DARS1: variants seen among roughly 807,000 people sequenced by gnomAD.
The protein encoded by DARS1 is aspartate--tRNA ligase, cytoplasmic.
A neutral mutation model predicts 68.8 loss-of-function variants in DARS1; 51 were observed. The observed-to-expected ratio is 0.74, with a 90% CI of 0.59 to 0.94. The LOEUF (loss-of-function observed/expected upper bound fraction) is 0.94. DARS1 is among the 40% of genes least tolerant of loss of function. The probability of loss-of-function intolerance (pLI) is 0.00; values close to 1 mark genes in which losing one functional copy is unlikely to be tolerated. For synonymous variants in DARS1, 203 were observed against 190.4 expected, an observed-to-expected ratio of 1.07 and a Z score of -0.55; for missense variants, 607 against 597.3, an observed-to-expected ratio of 1.02 and a Z score of -0.17.
chr2:135,930,852 A>C (rs893209921), intron 7 of DARS1, among the ~76,000 whole-genome samples: 10 of 152,198 alleles, frequency 6.6e-5, no homozygotes, highest in Admixed American at 3.9e-4. Flanking sequence ...ATTCTGAGAA[A>C]ACCCTCCTAA....
At position 135,911,178 on chromosome 2, in the gene DARS1, A is replaced by G; in HGVS notation, c.1375T>C (p.Phe459Leu). The part of the protein sequence containing the change: ...LEKIKAYIDS[F>L]RFGAPPHAGG... ...GCATGAGGAGGGGCTCCAAAGCGGA[A>G]GGAATCAATGTAAGCCTTAATTTTC... The change falls in exon 15 of 16, where the codon TTC becomes CTC. Residue 459 changes from phenylalanine (F) to leucine (L), a missense_variant. Transcript: ENST00000264161. 1 of 1,550,730 alleles carries G rather than the reference A, an allele frequency of 6.4e-7. No homozygotes were observed.
chr2:135,978,097 C>T (rs1682538423), intron 3 of DARS1, among the ~76,000 whole-genome samples: 4 of 129,762 alleles, frequency 3.1e-5, no homozygotes, highest in Admixed American at 9.7e-5. Context: ...GAGCCGAGAT[C>T]GCAACACAGC....
Position 135,912,550 on chromosome 2 carries a change from T to C in DARS1, c.1166A>G (p.Tyr389Cys), listed in dbSNP as rs1680918187. Residue 389 changes from tyrosine to cysteine, a missense_variant, in exon 13 of 16, where the codon TAT (tyrosine) becomes TGT (cysteine). Transcript: ENST00000264161. ...AGCCAATGGATATTTATCAAGAATA[T>C]AAAAATCTGTATCATACTATAAAAA... ...LVKEKYDTDF[Y>C]ILDKYPLAVR... The C allele has an allele frequency of 4.2e-6, 4 of 946,808 alleles. No individual in the cohort carries two copies. The highest frequency in any genetic ancestry group is 1.6e-5 in the African/African-American group (1 of 61,566). The allele number at this position is 946,808 out of a possible 1,614,324, so 58.7% of individuals were successfully genotyped here. A position where few individuals can be genotyped will look rare whatever the true frequency, so the allele number is the denominator to read the frequency against.
chr2:135,979,209 G>C (rs1253029950), intron 3 of DARS1, 65 bp downstream of exon 3: 1 of 811,530 alleles, frequency 1.2e-6, no homozygotes, highest in African/African-American at 1.7e-5. Context: ...GGTCTGTGAG[G>C]AATATGTAAG....
chr2:135,917,352 T>A (rs996058022), intron 10 of DARS1, among the ~76,000 whole-genome samples: 1 of 152,334 alleles, frequency 6.6e-6, no homozygotes, highest in South Asian at 2.1e-4. Context: ...CATCCTTTTG[T>A]ATGTGTTTGA....
intron 3 of DARS1, among the ~76,000 whole-genome samples, chr2:135,972,223 T>C (rs1294424516): frequency 1.3e-5 from 2 of 152,096 alleles, no homozygotes; most frequent in Admixed American, 6.6e-5. Context: ...GGTACTGGCA[T>C]AAAAACAGAC....
intron 3 of DARS1, among the ~76,000 whole-genome samples, chr2:135,976,507 G>A (rs1682500529): frequency 6.6e-6 from 1 of 152,008 alleles, no homozygotes; most frequent in African/African-American, 2.4e-5. Flanking sequence ...CACCCACCAT[G>A]ATTAGCTCAT....
In DARS1 at chr2:135,920,485, G is replaced by A. The variant is rs1465909992; in HGVS notation, c.927C>T (p.Thr309=). ...GAAGTCCTTTGAATATTTGTACCAT[G>A]GTGTCAGCAATTTCTTCCATAACTT... The part of the protein sequence containing the change: ...YHEVMEEIAD[T]MVQIFKGLQE... The change falls in exon 10 of 16, where the codon ACC becomes ACT. Residue 309 remains threonine (T), a synonymous_variant. Transcript: ENST00000264161. 23 of 1,613,316 alleles carry A rather than the reference G, an allele frequency of 1.4e-5. No individual in the cohort carries two copies. In the East Asian group the frequency reaches 5.1e-4, roughly 36 times the overall value.
At chr2:135,980,096 A>T (rs562045115) in intron 2 of DARS1, among the ~76,000 whole-genome samples, 3 of 152,188 alleles carry the variant, frequency 2.0e-5, no homozygotes, top group African/African-American at 7.2e-5. Flanking sequence ...CTGAGCCCCA[A>T]GATCCAATCA....
intron 5 of DARS1, among the ~76,000 whole-genome samples, chr2:135,934,756 T>C (rs1471577865): frequency 6.6e-6 from 1 of 152,032 alleles, no homozygotes; most frequent in Admixed American, 6.6e-5. Context: ...GAAAACACTT[T>C]ACTCATGTGA....
rs1681379179 is a variant in DARS1 at position 135,932,795 on chromosome 2, G to C, written c.552C>G (p.Val184=). 1 of 1,314,710 alleles carries C rather than the reference G, an allele frequency of 7.6e-7. No homozygotes were observed. The highest frequency in any genetic ancestry group is 1.5e-5 in the African/African-American group (1 of 68,072). The allele number at this position is 1,314,710 out of a possible 1,614,324, so 81.4% of individuals were successfully genotyped here. A position where few individuals can be genotyped will look rare whatever the true frequency, so the allele number is the denominator to read the frequency against. The part of the protein sequence containing the change: ...VNQDTRLDNR[V]IDLRTSTSQA... ...AAATGAGGCATACCCTAAGATCAAT[G>C]ACTCTGTTGTCTAATCTTGTATCCT... The change falls in exon 7 of 16, where the codon GTC becomes GTG. Residue 184 remains valine, a synonymous_variant. Transcript: ENST00000264161.
At chr2:135,917,021 T>A (rs1040198959) in intron 10 of DARS1, among the ~76,000 whole-genome samples, 1 of 152,074 alleles carries the variant, frequency 6.6e-6, no homozygotes, top group African/African-American at 2.4e-5. Context: ...ACCCCATCTC[T>A]ACTAAAACTA....
In DARS1 at chr2:135,912,471, A is replaced by C. The variant is rs750881190; in HGVS notation, c.1230+15T>G. The stretch of plus-strand genomic sequence containing the variant: ...TTCTGCCTCAAAATGGGTTACTTAA[A>C]ACCAAATTACTTACGGGATTTCTTG... On this transcript the variant is annotated intron_variant, in intron 13 of 15. Transcript: ENST00000264161. The C allele has an allele frequency of 1.1e-6, 1 of 913,858 alleles. No homozygotes were observed. Among genetic ancestry groups the C allele is most frequent in the Non-Finnish European group, 1.8e-6 (1 of 565,768 alleles). The allele number at this position is 913,858 out of a possible 1,614,324, so 56.6% of individuals were successfully genotyped here. A position where few individuals can be genotyped will look rare whatever the true frequency, so the allele number is the denominator to read the frequency against.
intron 10 of DARS1, among the ~76,000 whole-genome samples, chr2:135,919,220 G>A (rs1681064735): frequency 6.6e-6 from 1 of 152,032 alleles, no homozygotes; most frequent in African/African-American, 2.4e-5. Flanking sequence ...TAGTAGAGAT[G>A]GGGTTTTGCT....
At chr2:135,934,055 AC>A (rs1164724146) in intron 5 of DARS1, 65 bp from the exon 6 acceptor site, 31 of 1,575,300 alleles carry the variant, frequency 2.0e-5, no homozygotes, top group Non-Finnish European at 2.5e-5. Flanking sequence ...TTCTTAAAAA[AC>A]AATCTACAGT....
At chr2:135,948,147 G>C (rs898663102) in intron 4 of DARS1, among the ~76,000 whole-genome samples, 1 of 152,160 alleles carries the variant, frequency 6.6e-6, no homozygotes, top group Non-Finnish European at 1.5e-5. Context: ...GCAGTGGACA[G>C]GACTGAAAAT....
chr2:135,978,742 G>T (rs1682555718), intron 3 of DARS1, among the ~76,000 whole-genome samples: 1 of 152,186 alleles, frequency 6.6e-6, no homozygotes. Context: ...GGAGCCGTTA[G>T]CCACATGTGG....
At chr2:135,916,497 A>T in intron 10 of DARS1, 125 bp from the exon 11 acceptor site, 1 of 466,904 alleles carries the variant, frequency 2.1e-6, no homozygotes, top group South Asian at 5.4e-5. Flanking sequence ...AGCATTATCA[A>T]ATTATTAAAG....
At chr2:135,909,689 T>C (rs1680857595) in intron 15 of DARS1, among the ~76,000 whole-genome samples, 1 of 152,210 alleles carries the variant, frequency 6.6e-6, no homozygotes, top group Non-Finnish European at 1.5e-5. Flanking sequence ...TTTCTGTGCC[T>C]GATGTGCTAA....
Sources: gnomAD v4.1 joint callset for allele counts (sites outside exome capture counted in the v4.1 genomes callset) on GRCh38, gnomAD v4.1.1 for gene constraint, MANE v1.5 for transcripts, NCBI Gene and HGNC (gene_info 2026-07-23, HGNC 2026-07-21) for gene names.